ZBTB7A: variants seen among roughly 807,000 people sequenced by gnomAD.
ZBTB7A encodes the protein zinc finger and BTB domain-containing protein 7A.
ZBTB7A carries 7 observed loss-of-function variants against 26.7 expected under a neutral mutation model. The observed-to-expected ratio is 0.26, with a 90% CI of 0.15 to 0.49. The LOEUF is 0.49. Ranked by LOEUF, ZBTB7A falls within the 20% of genes least tolerant of loss-of-function variation. ZBTB7A has a pLI of 0.98. For missense variants in ZBTB7A, 617 were observed against 919.5 expected (o/e 0.67, Z 4.25); for synonymous variants, 452 against 441.0 (o/e 1.02, Z -0.31).
chr19:4,065,996 G>A (rs2040692549), intron 1 of ZBTB7A, among the ~76,000 whole-genome samples: 2 of 127,248 alleles, frequency 1.6e-5, no homozygotes, highest in African/African-American at 5.9e-5. Context: ...CCCCTCCTCC[G>A]CACCGCCCCT....
In ZBTB7A at chr19:4,054,564, G is replaced by T. The variant is rs1339704966; in HGVS notation, c.669C>A (p.Gly223=). 6.7e-7 allele frequency: 1 copy of T among 1,501,484 alleles called. No homozygotes were observed. Among genetic ancestry groups the T allele is most frequent in the African/African-American group, 1.4e-5 (1 of 71,262 alleles). 93.0% of individuals were successfully genotyped at this position (1,501,484 alleles called of 1,614,324 possible). The change falls in exon 2 of 3, where the codon GGC becomes GGA. Residue 223 remains glycine, a synonymous_variant. Transcript: ENST00000322357. ...CCGTCGGGGGCCGCTCGGCCGGGGG[G>T]CCCGGCCCATAGAAGTCTAAGCCGT... is the stretch of plus-strand genomic sequence containing the variant. ...DCNGLDFYGP[G]PPAERPPTGD...
intron 1 of ZBTB7A, among the ~76,000 whole-genome samples, chr19:4,059,118 T>C (rs1277013319): frequency 6.6e-6 from 1 of 152,152 alleles, no homozygotes; most frequent in Non-Finnish European, 1.5e-5. Context: ...TGTGAGCAGA[T>C]GGAGCTCCGG....
At chr19:4,049,551 C>T (rs957689180) in intron 2 of ZBTB7A, among the ~76,000 whole-genome samples, 2 of 152,078 alleles carry the variant, frequency 1.3e-5, no homozygotes, top group Non-Finnish European at 2.9e-5. Context: ...TCGAGGCTGG[C>T]GGCGGCCGAG....
rs554590208 is a variant in ZBTB7A at position 4,057,219 on chromosome 19, G to A, written c.-15-1972C>T. On this transcript the variant is annotated intron_variant, in intron 1 of 2. Coordinates refer to ENST00000322357, the MANE Select transcript of ZBTB7A (RefSeq NM_015898.4). The stretch of plus-strand genomic sequence containing the variant: ...CAAAATTAGCCAGGTGTGGTGGCGC[G>A]TGCCTGTAATCCCAGCTACTCGGGA... Among the ~76,000 whole-genome samples the A allele has an allele frequency of 3.3e-5, 5 of 151,294 alleles. No individual in the cohort carries two copies. The South Asian group carries it at 8.4e-4, about 25-fold the overall frequency.
In ZBTB7A at chr19:4,052,703, C is replaced by A. The variant is rs896527555; in HGVS notation, c.1262+1268G>T. 6.6e-6 allele frequency among the ~76,000 whole-genome samples: 1 copy of A among 152,162 alleles called. No individual in the cohort carries two copies. Among genetic ancestry groups the A allele is most frequent in the Non-Finnish European group, 1.5e-5 (1 of 68,028 alleles). On this transcript the variant is annotated intron_variant, in intron 2 of 2. Transcript: ENST00000322357. This position sits in a 1 kb window ranked among gnomAD's most constrained non-coding sequence, Gnocchi z 4.9. Reference sequence around the variant, plus strand: ...GCCCCCTGCCCCCACCGCTACAGCCCGCCCCGGATCTACGAGGCCCAGCCA... The same window carrying A: ...GCCCCCTGCCCCCACCGCTACAGCCAGCCCCGGATCTACGAGGCCCAGCCA...
rs1463184017 is a variant in ZBTB7A at position 4,046,494 on chromosome 19, G to T, written c.*1258C>A. 2 of 125,156 alleles carry T rather than the reference G, an allele frequency of 1.6e-5. No homozygotes were observed. The highest frequency in any genetic ancestry group is 8.6e-5 in the Admixed American group (1 of 11,672). The allele number at this position is 125,156 out of a possible 1,614,324, so 7.8% of individuals were successfully genotyped here. The stretch of plus-strand genomic sequence containing the variant: ...GAAGTTGGTTGTAACTTGTAAACAT[G>T]TTTTTAAATTAAGAATTAAGATAAA... On this transcript the variant is annotated 3_prime_UTR_variant, in exon 3 of 3. Transcript: ENST00000322357.
At chr19:4,058,399 GC>G (rs1369627094) in intron 1 of ZBTB7A, among the ~76,000 whole-genome samples, 2 of 152,060 alleles carry the variant, frequency 1.3e-5, no homozygotes, top group African/African-American at 4.8e-5. Flanking sequence ...GCAGCGCCGG[GC>G]CCTGGGGGGA....
rs1002562654 is a variant in ZBTB7A, at chr19:4,043,558, C to T, written c.*4194G>A. 5.3e-5 allele frequency among the ~76,000 whole-genome samples: 8 copies of T among 151,934 alleles called. No homozygotes were observed. The highest frequency in any genetic ancestry group is 8.8e-5 in the Non-Finnish European group (6 of 67,958). On this transcript the variant is annotated 3_prime_UTR_variant, in exon 3 of 3. Transcript: ENST00000322357. ...GTACCCTGAGGGCGCCGCCCCGCCCCCCATTCACCAGGCCTGGCCCCTCCA... is the reference window on the plus strand; with the variant it reads ...GTACCCTGAGGGCGCCGCCCCGCCCTCCATTCACCAGGCCTGGCCCCTCCA...
chr19:4,045,820 G>A lies in ZBTB7A; in HGVS notation c.*1932C>T, dbSNP rs1299166251. 2.8e-5 allele frequency: 11 copies of A among 398,510 alleles called. No homozygotes were observed. The East Asian group carries it at 3.9e-4, about 14-fold the overall frequency. 24.7% of individuals were successfully genotyped at this position (398,510 alleles called of 1,614,324 possible). On this transcript the variant is annotated 3_prime_UTR_variant, in exon 3 of 3. Transcript: ENST00000322357. The surrounding 1 kb of genome is among the most constrained non-coding windows in gnomAD (Gnocchi z 4.1). ...TGGCTCGGTCAACACCGGGCCTTGT[G>A]GGAGCCAGAGGTTGGGGGGAGGCAG... is the stretch of plus-strand genomic sequence containing the variant.
At chr19:4,057,084 C>G (rs1177722832) in intron 1 of ZBTB7A, among the ~76,000 whole-genome samples, 2 of 149,550 alleles carry the variant, frequency 1.3e-5, no homozygotes, top group East Asian at 4.0e-4. Context: ...CACTGTGGCT[C>G]ACATCTATAA....
chr19:4,063,973 G>C (rs559377285), intron 1 of ZBTB7A, among the ~76,000 whole-genome samples: 1 of 152,188 alleles, frequency 6.6e-6, no homozygotes, highest in South Asian at 2.1e-4. Context: ...CCCAGCTATA[G>C]GTCAGAGGGA....
intron 1 of ZBTB7A, chr19:4,065,400 C>G (rs2040684787): frequency 6.9e-6 from 1 of 145,266 alleles, no homozygotes; most frequent in Non-Finnish European, 1.5e-5. Flanking sequence ...CGCGGTCCCC[C>G]GCCGCCTCGC....
rs1447635403 is a variant in ZBTB7A at position 4,046,012 on chromosome 19, G to A, written c.*1740C>T. ...CAGCTCCTTGGTGGCCATGCGGGAGGGACAGGCGTGTTGGGGGATTGGGGG... is the reference window on the plus strand; with the variant it reads ...CAGCTCCTTGGTGGCCATGCGGGAGAGACAGGCGTGTTGGGGGATTGGGGG... On this transcript the variant is annotated 3_prime_UTR_variant, in exon 3 of 3. Coordinates refer to ENST00000322357, the MANE Select transcript of ZBTB7A (RefSeq NM_015898.4). 2 of 398,942 alleles carry A rather than the reference G, an allele frequency of 5.0e-6. No individual in the cohort carries two copies. Among genetic ancestry groups the A allele is most frequent in the Non-Finnish European group, 8.8e-6 (2 of 226,130 alleles). 24.7% of individuals were successfully genotyped at this position (398,942 alleles called of 1,614,324 possible).
Position 4,047,636 on chromosome 19 carries a change from G to T in ZBTB7A, c.*116C>A, listed in dbSNP as rs2040437998. 5 of 913,336 alleles carry T rather than the reference G, an allele frequency of 5.5e-6. No individual in the cohort carries two copies. Among genetic ancestry groups the T allele is most frequent in the South Asian group, 1.9e-5 (1 of 53,878 alleles). The allele number at this position is 913,336 out of a possible 1,614,324, so 56.6% of individuals were successfully genotyped here. ...ATCTGTATATATATATATAGATATA[G>T]ATATCTGTATATAGATAGATTTTCT... is the stretch of plus-strand genomic sequence containing the variant. On this transcript the variant is annotated 3_prime_UTR_variant, in exon 3 of 3. Coordinates refer to ENST00000322357, the MANE Select transcript of ZBTB7A (RefSeq NM_015898.4).
chr19:4,054,399 C>T lies in ZBTB7A; in HGVS notation c.834G>A (p.Glu278=). The change falls in exon 2 of 3, where the codon GAG becomes GAA. Residue 278 remains glutamate (E), a synonymous_variant. Transcript: ENST00000322357. ...QNGHYGRGGE[E]EAASLSEAAP... is the part of the protein sequence containing the mutation. ...CCGCCTCCGACAGCGAGGCGGCCTC[C>T]TCCTCTCCGCCGCGGCCGTAGTGGC... 1 of 1,399,358 alleles carries T rather than the reference C, an allele frequency of 7.1e-7. No homozygotes were observed. Among genetic ancestry groups the T allele is most frequent in the South Asian group, 1.5e-5 (1 of 66,330 alleles). 86.7% of individuals were successfully genotyped at this position (1,399,358 alleles called of 1,614,324 possible). A position where few individuals can be genotyped will look rare whatever the true frequency, so the allele number is the denominator to read the frequency against.
Position 4,052,314 on chromosome 19 carries a change from G to C in ZBTB7A, c.1262+1657C>G, listed in dbSNP as rs2040512507. Among the ~76,000 whole-genome samples, 1 of 152,126 alleles carries C rather than the reference G, an allele frequency of 6.6e-6. No homozygotes were observed. Among genetic ancestry groups the C allele is most frequent in the African/African-American group, 2.4e-5 (1 of 41,400 alleles). On this transcript the variant is annotated intron_variant, in intron 2 of 2. Coordinates refer to ENST00000322357, the MANE Select transcript of ZBTB7A (RefSeq NM_015898.4). This position sits in a 1 kb window ranked among gnomAD's most constrained non-coding sequence, Gnocchi z 4.9. ...AGCTGCTCTTCCTGAGCTCAGAGAC[G>C]AACCCACAGTGACCCCTGCCTGGAG...
In ZBTB7A at chr19:4,046,073, GC is replaced by G; in HGVS notation, c.*1678del. On this transcript the variant is annotated 3_prime_UTR_variant, in exon 3 of 3. Transcript: ENST00000322357. ...GGGATCGGGGTGCTCCGGCTGGAAGGCCCATCCCTGAGCTAGGGAGGAGGAA... is the reference window on the plus strand; with the variant it reads ...GGGATCGGGGTGCTCCGGCTGGAAGGCCATCCCTGAGCTAGGGAGGAGGAA... 2.5e-6 allele frequency: 1 copy of G among 399,108 alleles called. No individual in the cohort carries two copies. Among genetic ancestry groups the G allele is most frequent in the Non-Finnish European group, 4.4e-6 (1 of 226,140 alleles). 24.7% of individuals were successfully genotyped at this position (399,108 alleles called of 1,614,324 possible).
rs1014035848 is a variant in ZBTB7A, at chr19:4,048,534, A to G, written c.1263-290T>C. On this transcript the variant is annotated intron_variant, in intron 2 of 2. Transcript: ENST00000322357. The surrounding 1 kb of genome is among the most constrained non-coding windows in gnomAD (Gnocchi z 6.7). The stretch of plus-strand genomic sequence containing the variant: ...GTTTCCTTTCCTTTTTTAACTTTTT[A>G]AGAGACAAAGTCTAGGCCAGGCGCG... Among the ~76,000 whole-genome samples, 3 of 152,044 alleles carry G rather than the reference A, an allele frequency of 2.0e-5. No individual in the cohort carries two copies. The highest frequency in any genetic ancestry group is 1.9e-4 in the East Asian group (1 of 5,180).
In ZBTB7A at chr19:4,047,615, GTA is replaced by G. The variant is rs541329016; in HGVS notation, c.*135_*136del. 6.4e-3 allele frequency: 3,913 copies of G among 607,474 alleles called. No homozygotes were observed. Among genetic ancestry groups the G allele is most frequent in the South Asian group, 8.0e-3 (249 of 31,144 alleles). 37.6% of individuals were successfully genotyped at this position (607,474 alleles called of 1,614,324 possible). A position where few individuals can be genotyped will look rare whatever the true frequency, so the allele number is the denominator to read the frequency against. On this transcript the variant is annotated 3_prime_UTR_variant, in exon 3 of 3. Transcript: ENST00000322357. ...TGTGACGCGTCATATATATATATCT[GTA>G]TATATATATATAGATATAGATATCT...
Sources: gnomAD v4.1 joint callset for allele counts (sites outside exome capture counted in the v4.1 genomes callset) on GRCh38, gnomAD v4.1.1 for gene constraint, Gnocchi (gnomAD v3.1) non-coding constraint, MANE v1.5 for transcripts, NCBI Gene and HGNC (gene_info 2026-07-23, HGNC 2026-07-21) for gene names.